Variants in ADAMTS16 observed in about 807,000 individuals in gnomAD.
ADAMTS16 encodes ADAM metallopeptidase with thrombospondin type 1 motif 16.
Under a neutral mutation model 145.8 loss-of-function variants are expected in ADAMTS16, and 94 were observed. The ratio of observed to expected loss-of-function variants is 0.64; its 90% CI spans 0.55 to 0.77. The LOEUF (loss-of-function observed/expected upper bound fraction) is 0.77, where lower values mean the gene tolerates loss of function less well. Ranked by LOEUF, ADAMTS16 falls within the 30% of genes least tolerant of loss-of-function variation. The probability of loss-of-function intolerance (pLI) is 0.00; values close to 1 mark genes in which losing one functional copy is unlikely to be tolerated. For synonymous variants in ADAMTS16, 659 were observed against 604.3 expected (o/e 1.09, Z -1.33); for missense variants, 1,585 against 1,591.5 (o/e 1.00, Z 0.07).
chr5:5,162,001 G>A (rs1734753246), intron 3 of ADAMTS16, among the ~76,000 whole-genome samples: 1 of 152,122 alleles, frequency 6.6e-6, no homozygotes, highest in Non-Finnish European at 1.5e-5. Context: ...CATCTTTAGT[G>A]TACCCCAGTA....
intron 18 of ADAMTS16, among the ~76,000 whole-genome samples, chr5:5,266,709 G>T (rs1002045687): frequency 6.6e-6 from 1 of 152,172 alleles, no homozygotes; most frequent in Non-Finnish European, 1.5e-5. Flanking sequence ...TCCTCCTGGG[G>T]CTACTCTTCC....
intron 3 of ADAMTS16, among the ~76,000 whole-genome samples, chr5:5,170,701 T>G (rs1411864386): frequency 1.4e-5 from 2 of 143,484 alleles, no homozygotes; most frequent in African/African-American, 4.9e-5. Context: ...CTAAATCAAA[T>G]TCTTAGATTT....
intron 4 of ADAMTS16, 38 bp from the exon 5 acceptor site, chr5:5,186,014 C>G (rs1409250539): frequency 6.4e-7 from 1 of 1,566,534 alleles, no homozygotes. Context: ...TTGTGTGTGA[C>G]TTGTGCTTCC....
intron 10 of ADAMTS16, among the ~76,000 whole-genome samples, chr5:5,219,698 G>A (rs1736537863): frequency 6.6e-6 from 1 of 152,134 alleles, no homozygotes; most frequent in Non-Finnish European, 1.5e-5. Context: ...CTGGAGTTGG[G>A]GATTGAGCAG....
At chr5:5,151,712 GTGTGTGTGTGTGTA>G (rs1407760128) in intron 3 of ADAMTS16, among the ~76,000 whole-genome samples, 4 of 143,376 alleles carry the variant, frequency 2.8e-5, no homozygotes, top group Non-Finnish European at 6.2e-5. Context: ...GTGTGTGTGT[GTGTGTGTGTGTGTA>G]TGTGTGTGGG....
chr5:5,173,405 G>A lies in ADAMTS16; in HGVS notation c.502-8639G>A, dbSNP rs113262513. 8.7e-3 allele frequency among the ~76,000 whole-genome samples: 1,272 copies of A among 146,398 alleles called. 12 individuals are homozygous for A. The highest frequency in any genetic ancestry group is 0.03 in the African/African-American group (1,199 of 39,992). On this transcript the variant is annotated intron_variant, in intron 3 of 22. Transcript: ENST00000274181. ...GAATTTCTTGCTTTTTACTGTTTGT[G>A]TATCTTTTGTACTTTTTTTTTTATT...
chr5:5,201,056 C>A (rs1463475124), intron 9 of ADAMTS16, among the ~76,000 whole-genome samples: 1 of 152,146 alleles, frequency 6.6e-6, no homozygotes, highest in East Asian at 1.9e-4. Flanking sequence ...ACATTACAGT[C>A]CAGTGTGAAT....
intron 3 of ADAMTS16, among the ~76,000 whole-genome samples, chr5:5,160,370 A>G (rs1442182618): frequency 2.6e-5 from 4 of 152,166 alleles, no homozygotes; most frequent in Admixed American, 6.5e-5. Flanking sequence ...GTAGTTCAGT[A>G]TATTGTCCAT....
chr5:5,320,082 T>C lies in ADAMTS16; in HGVS notation c.*944T>C. 4.1e-6 allele frequency: 1 copy of C among 246,136 alleles called. No individual in the cohort carries two copies. 15.2% of individuals were successfully genotyped at this position (246,136 alleles called of 1,614,324 possible). On this transcript the variant is annotated 3_prime_UTR_variant, in exon 23 of 23. Transcript: ENST00000274181. The surrounding 1 kb of genome is among the most constrained non-coding windows in gnomAD (Gnocchi z 5.1). ...TTTGTTTTTGTGTGTTGTGAGATTTTAATCTTTTTTTTTTCGGTGAGTCTG... is the reference window on the plus strand; with the variant it reads ...TTTGTTTTTGTGTGTTGTGAGATTTCAATCTTTTTTTTTTCGGTGAGTCTG...
At chr5:5,305,069 ACACACACACACATCCCACAC>A (rs1253011501) in intron 20 of ADAMTS16, among the ~76,000 whole-genome samples, 1 of 65,930 alleles carries the variant, frequency 1.5e-5, no homozygotes, top group African/African-American at 6.1e-5. Flanking sequence ...CACACCACAC[ACACACACACACATCCCACAC>A]CACACACACA....
intron 12 of ADAMTS16, among the ~76,000 whole-genome samples, chr5:5,233,037 C>CA (rs71604118): frequency 0.7 from 106,487 of 151,952 alleles, 39,363 homozygotes; most frequent in South Asian, 0.86. Context: ...CTGACCACAG[C>CA]AAAAAAATAA....
At chr5:5,241,993 G>T in intron 16 of ADAMTS16, 60 bp from the exon 17 acceptor site, 2 of 1,587,312 alleles carry the variant, frequency 1.3e-6, no homozygotes, top group Non-Finnish European at 1.7e-6. Flanking sequence ...AATCCCGTTA[G>T]CATGTACTTG....
intron 9 of ADAMTS16, among the ~76,000 whole-genome samples, chr5:5,206,745 G>A (rs759884859): frequency 1.3e-5 from 2 of 152,054 alleles, no homozygotes; most frequent in Non-Finnish European, 2.9e-5. Context: ...GCCTCCCTAA[G>A]TGCTGGGATT....
chr5:5,275,907 C>G (rs943253976), intron 18 of ADAMTS16, among the ~76,000 whole-genome samples: 1 of 150,910 alleles, frequency 6.6e-6, no homozygotes, highest in African/African-American at 2.4e-5. Context: ...GTCACCCAGG[C>G]TGGAGTGCAG....
chr5:5,236,559 G>T (rs1737111332), intron 13 of ADAMTS16, among the ~76,000 whole-genome samples: 1 of 151,394 alleles, frequency 6.6e-6, no homozygotes, highest in Admixed American at 6.6e-5. Flanking sequence ...TGATGTTTTT[G>T]ATTCTTTTAT....
intron 10 of ADAMTS16, among the ~76,000 whole-genome samples, chr5:5,214,171 A>G (rs901274070): frequency 6.6e-6 from 1 of 152,198 alleles, no homozygotes; most frequent in Non-Finnish European, 1.5e-5. Context: ...AAGACCTGAA[A>G]CAATTGGTCC....
At chr5:5,301,986 C>A (rs1288059293) in intron 18 of ADAMTS16, among the ~76,000 whole-genome samples, 1 of 152,134 alleles carries the variant, frequency 6.6e-6, no homozygotes, top group Non-Finnish European at 1.5e-5. Flanking sequence ...CAGGGAGTTG[C>A]ACAGGGAAAT....
intron 18 of ADAMTS16, among the ~76,000 whole-genome samples, chr5:5,302,014 A>G (rs1010829264): frequency 1.3e-4 from 20 of 152,306 alleles, no homozygotes; most frequent in African/African-American, 4.1e-4. Context: ...AATGGAAATC[A>G]TCAAGTCCTC....
At chr5:5,191,107 A>G (rs1421267474) in intron 7 of ADAMTS16, among the ~76,000 whole-genome samples, 7 of 152,202 alleles carry the variant, frequency 4.6e-5, no homozygotes. Context: ...GTGACTCTGC[A>G]GGGCAAGGAC....
Sources: allele counts gnomAD v4.1 joint callset (sites outside exome capture counted in the v4.1 genomes callset), GRCh38; gene constraint gnomAD v4.1.1; non-coding constraint Gnocchi (gnomAD v3.1); transcripts MANE v1.5; gene names NCBI Gene and HGNC (gene_info 2026-07-23, HGNC 2026-07-21).